ZFAND3: variants seen among roughly 807,000 people sequenced by gnomAD.
The protein encoded by ZFAND3 is AN1-type zinc finger protein 3.
A neutral mutation model predicts 29.6 loss-of-function variants in ZFAND3; 10 were observed. The ratio of observed to expected loss-of-function variants is 0.34; its 90% CI spans 0.21 to 0.57. The LOEUF is 0.57. Ranked by LOEUF, ZFAND3 falls within the 20% of genes least tolerant of loss-of-function variation. ZFAND3 has a pLI of 0.86. For synonymous variants in ZFAND3, 128 were observed against 112.6 expected, an observed-to-expected ratio of 1.14 and a Z score of -0.87; for missense variants, 230 against 304.5, an observed-to-expected ratio of 0.76 and a Z score of 1.82.
At chr6:38,043,935 G>T (rs1343156368) in intron 2 of ZFAND3, among the ~76,000 whole-genome samples, 2 of 151,972 alleles carry the variant, frequency 1.3e-5, no homozygotes, top group Admixed American at 6.6e-5. Context: ...GAGCCCCTGC[G>T]CCTAGCCCAA....
At chr6:37,822,400 G>A (rs183652356) in intron 1 of ZFAND3, among the ~76,000 whole-genome samples, 228 of 152,278 alleles carry the variant, frequency 1.5e-3, no homozygotes, top group African/African-American at 5.2e-3. Context: ...TGTGTAGTTT[G>A]TATTTTATAC....
At chr6:37,999,186 G>A (rs1465914440) in intron 2 of ZFAND3, among the ~76,000 whole-genome samples, 1 of 152,168 alleles carries the variant, frequency 6.6e-6, no homozygotes, top group African/African-American at 2.4e-5. Flanking sequence ...AGCTCCCAGT[G>A]GCCCAAGCTG....
chr6:37,975,524 T>G (rs1312552506), intron 2 of ZFAND3, among the ~76,000 whole-genome samples: 2 of 152,174 alleles, frequency 1.3e-5, no homozygotes, highest in Non-Finnish European at 2.9e-5. Context: ...CTGCATTTTC[T>G]TCAGGAAGTT....
chr6:37,903,460 G>A (rs573921040), intron 1 of ZFAND3, among the ~76,000 whole-genome samples: 2 of 152,130 alleles, frequency 1.3e-5, no homozygotes, highest in East Asian at 3.9e-4. Flanking sequence ...TCCATTTTCT[G>A]AATTTTCTAA....
chr6:38,121,224 AT>A (rs963386538), intron 5 of ZFAND3, among the ~76,000 whole-genome samples: 5 of 152,258 alleles, frequency 3.3e-5, no homozygotes, highest in Non-Finnish European at 5.9e-5. Flanking sequence ...TCTATGAAAA[AT>A]TATTGCCAGG....
chr6:38,054,975 C>A (rs1764106570), intron 2 of ZFAND3, among the ~76,000 whole-genome samples: 1 of 152,018 alleles, frequency 6.6e-6, no homozygotes, highest in Non-Finnish European at 1.5e-5. Flanking sequence ...GGGTGGGGGA[C>A]AATGCAGCTT....
At chr6:37,834,710 A>G (rs908076258) in intron 1 of ZFAND3, among the ~76,000 whole-genome samples, 1 of 151,538 alleles carries the variant, frequency 6.6e-6, no homozygotes, top group Non-Finnish European at 1.5e-5. Flanking sequence ...ATCATTATGT[A>G]TATATAATGA....
At chr6:38,095,196 A>G (rs1764952983) in intron 4 of ZFAND3, among the ~76,000 whole-genome samples, 1 of 152,334 alleles carries the variant, frequency 6.6e-6, no homozygotes, top group East Asian at 1.9e-4. Flanking sequence ...AAAACAGTTA[A>G]TGGTGAACTA....
intron 5 of ZFAND3, among the ~76,000 whole-genome samples, chr6:38,131,641 A>G (rs1376156298): frequency 1.3e-5 from 2 of 152,224 alleles, no homozygotes; most frequent in African/African-American, 2.4e-5. Context: ...TGTGTAACAC[A>G]TACCTTCCTC....
chr6:37,834,304 A>G (rs1763922885), intron 1 of ZFAND3, among the ~76,000 whole-genome samples: 1 of 152,172 alleles, frequency 6.6e-6, no homozygotes, highest in Non-Finnish European at 1.5e-5. Flanking sequence ...TAAGCATTTA[A>G]GTTCCTTCCA....
intron 1 of ZFAND3, among the ~76,000 whole-genome samples, chr6:37,927,949 A>G (rs1018297586): frequency 3.3e-5 from 5 of 152,246 alleles, no homozygotes; most frequent in East Asian, 3.8e-4. Context: ...TGTTTTCTCA[A>G]TGGTAAAATG....
chr6:37,851,470 A>G (rs912348417), intron 1 of ZFAND3, among the ~76,000 whole-genome samples: 1 of 145,930 alleles, frequency 6.9e-6, no homozygotes, highest in South Asian at 2.2e-4. Context: ...ATAAAAATCA[A>G]ATTCCTTAGT....
rs965435679 is a variant in ZFAND3 at position 37,891,294 on chromosome 6, C to A, written c.72-38665C>A. On this transcript the variant is annotated intron_variant, in intron 1 of 5. Transcript: ENST00000287218. Reference sequence around the variant, plus strand: ...GCATAATTCCATTATATGGTTGTTACCATTTTTTGTTTAGTCATTCATTAG... The same window carrying A: ...GCATAATTCCATTATATGGTTGTTAACATTTTTTGTTTAGTCATTCATTAG... 7.9e-5 allele frequency among the ~76,000 whole-genome samples: 12 copies of A among 151,928 alleles called. 1 individual carries two copies. Among genetic ancestry groups the A allele is most frequent in the Admixed American group, 3.3e-4 (5 of 15,232 alleles).
Position 37,999,654 on chromosome 6 carries a change from C to G in ZFAND3, c.113-61939C>G, listed in dbSNP as rs546572457. Reference sequence around the variant, plus strand: ...AAATTGATGAGCATTGTACAAAATACCTGACCAGTACTCTTGACAAATGTC... The same window carrying G: ...AAATTGATGAGCATTGTACAAAATAGCTGACCAGTACTCTTGACAAATGTC... On this transcript the variant is annotated intron_variant, in intron 2 of 5. Coordinates refer to ENST00000287218, the MANE Select transcript of ZFAND3 (RefSeq NM_021943.3). Among the ~76,000 whole-genome samples, 3 of 152,208 alleles carry G rather than the reference C, an allele frequency of 2.0e-5. No homozygotes were observed. In the South Asian group the frequency reaches 6.2e-4, roughly 32 times the overall value.
At chr6:38,023,580 C>G (rs889367037) in intron 2 of ZFAND3, among the ~76,000 whole-genome samples, 1 of 152,052 alleles carries the variant, frequency 6.6e-6, no homozygotes, top group Non-Finnish European at 1.5e-5. Context: ...AATGTCCTGC[C>G]TCTAAGCTAC....
intron 5 of ZFAND3, among the ~76,000 whole-genome samples, chr6:38,127,368 A>G (rs927887452): frequency 6.6e-6 from 1 of 152,182 alleles, no homozygotes; most frequent in African/African-American, 2.4e-5. Context: ...GCTGTGTTCT[A>G]AAGAGTTTTG....
rs1561937764 is a variant in ZFAND3 at position 37,930,041 on chromosome 6, CTTTCTTT to C, written c.112+46_112+52del. ...GGTTTTTTAATTTACTTTCATTTTT[CTTTCTTT>C]TTTTTTTTTTGGTTCTTTTTAAGAC... is the stretch of plus-strand genomic sequence containing the variant. On this transcript the variant is annotated intron_variant, in intron 2 of 5. Coordinates refer to ENST00000287218, the MANE Select transcript of ZFAND3 (RefSeq NM_021943.3). 2.0e-6 allele frequency: 3 copies of C among 1,471,212 alleles called. No homozygotes were observed. The South Asian group carries it at 4.1e-5, about 20-fold the overall frequency. 91.1% of individuals were successfully genotyped at this position (1,471,212 alleles called of 1,614,324 possible). A position where few individuals can be genotyped will look rare whatever the true frequency, so the allele number is the denominator to read the frequency against.
intron 1 of ZFAND3, among the ~76,000 whole-genome samples, chr6:37,844,708 C>G (rs1764145277): frequency 6.6e-6 from 1 of 151,732 alleles, no homozygotes; most frequent in African/African-American, 2.4e-5. Context: ...CACTTTAACA[C>G]TTAGGGTCTT....
intron 1 of ZFAND3, among the ~76,000 whole-genome samples, chr6:37,909,876 A>C (rs1765489755): frequency 6.6e-6 from 1 of 152,222 alleles, no homozygotes; most frequent in African/African-American, 2.4e-5. Flanking sequence ...ACACCAGAAC[A>C]TGGGAAATGT....
Sources: gnomAD v4.1 joint callset for allele counts (sites outside exome capture counted in the v4.1 genomes callset) on GRCh38, gnomAD v4.1.1 for gene constraint, MANE v1.5 for transcripts, NCBI Gene and HGNC (gene_info 2026-07-23, HGNC 2026-07-21) for gene names.